BBS9: variants seen among roughly 807,000 people sequenced by gnomAD.
BBS9 encodes the protein protein PTHB1.
A neutral mutation model predicts 117.7 loss-of-function variants in BBS9; 89 were observed. The observed-to-expected ratio is 0.76, with a 90% confidence interval of 0.64 to 0.90. The LOEUF (loss-of-function observed/expected upper bound fraction) is 0.90. Ranked by LOEUF, BBS9 falls within the 40% of genes least tolerant of loss-of-function variation. The pLI is 0.00. For synonymous variants in BBS9, 379 were observed against 370.9 expected (o/e 1.02, Z -0.25); for missense variants, 982 against 1,042.2 (o/e 0.94, Z 0.80).
intron 21 of BBS9, among the ~76,000 whole-genome samples, chr7:33,597,872 C>CAAA (rs61054119): frequency 3.4e-4 from 40 of 119,392 alleles, no homozygotes; most frequent in African/African-American, 1.2e-3. Context: ...GCATGTATAC[C>CAAA]AAAAAAAAAA....
chr7:33,190,618 A>G (rs984165710), intron 5 of BBS9, among the ~76,000 whole-genome samples: 1 of 152,054 alleles, frequency 6.6e-6, no homozygotes, highest in African/African-American at 2.4e-5. Flanking sequence ...GGGATAGGCT[A>G]TTTCCTTCTG....
At chr7:33,392,455 G>A (rs920717277) in intron 19 of BBS9, among the ~76,000 whole-genome samples, 2 of 152,122 alleles carry the variant, frequency 1.3e-5, no homozygotes, top group Middle Eastern at 3.2e-3. Context: ...GCTAGGCTGG[G>A]CTTGTTCACA....
intron 4 of BBS9, among the ~76,000 whole-genome samples, chr7:33,171,584 A>T (rs1796581646): frequency 6.6e-6 from 1 of 152,156 alleles, no homozygotes; most frequent in Admixed American, 6.5e-5. Flanking sequence ...GATAAAAACT[A>T]TTTTTTTAAG....
In BBS9 at chr7:33,525,068, A is replaced by T. The variant is rs547960063; in HGVS notation, c.2299-8886A>T. Among the ~76,000 whole-genome samples the T allele has an allele frequency of 8.6e-3, 1,299 of 151,866 alleles. 60 individuals are homozygous for T. The highest frequency in any genetic ancestry group is 0.079 in the Admixed American group (1,197 of 15,228). Reference sequence around the variant, plus strand: ...ATGTAGTTGAGCGGTTTTGAGTGAGATTCTTAATCCTGAGTTCTAGTTTGA... The same window carrying T: ...ATGTAGTTGAGCGGTTTTGAGTGAGTTTCTTAATCCTGAGTTCTAGTTTGA... On this transcript the variant is annotated intron_variant, in intron 20 of 22. Coordinates refer to ENST00000242067, the MANE Select transcript of BBS9 (RefSeq NM_198428.3).
chr7:33,162,026 T>C (rs1419647932), intron 4 of BBS9, among the ~76,000 whole-genome samples: 1 of 152,184 alleles, frequency 6.6e-6, no homozygotes, highest in Non-Finnish European at 1.5e-5. Context: ...TATTAGCCCT[T>C]TGTCAGATGG....
intron 19 of BBS9, among the ~76,000 whole-genome samples, chr7:33,489,624 T>C (rs1317553700): frequency 6.6e-6 from 1 of 152,158 alleles, no homozygotes; most frequent in Non-Finnish European, 1.5e-5. Flanking sequence ...GTGTAATCTT[T>C]CTTAATATTA....
intron 19 of BBS9, among the ~76,000 whole-genome samples, chr7:33,467,559 A>ACG (rs1840359655): frequency 1.3e-5 from 1 of 76,504 alleles, no homozygotes; most frequent in African/African-American, 6.8e-5. Context: ...TGCTGTGGGA[A>ACG]CCCCCCAACT....
intron 21 of BBS9, among the ~76,000 whole-genome samples, chr7:33,630,442 T>C (rs1177908206): frequency 6.6e-6 from 1 of 152,188 alleles, no homozygotes; most frequent in Non-Finnish European, 1.5e-5. Context: ...CACAGTAAAT[T>C]GCACTTACTG....
intron 21 of BBS9, among the ~76,000 whole-genome samples, chr7:33,620,475 AAAAG>A (rs1865350471): frequency 1.3e-5 from 2 of 152,190 alleles, no homozygotes; most frequent in African/African-American, 4.8e-5. Context: ...AACTACCTGA[AAAAG>A]AAATCAAGAA....
At chr7:33,477,613 G>A (rs544356047) in intron 19 of BBS9, among the ~76,000 whole-genome samples, 5 of 152,250 alleles carry the variant, frequency 3.3e-5, no homozygotes, top group African/African-American at 1.2e-4. Flanking sequence ...GCAAGTACTG[G>A]CTCAGCTAGA....
chr7:33,341,443 A>G (rs920654958), intron 11 of BBS9, among the ~76,000 whole-genome samples: 1 of 151,998 alleles, frequency 6.6e-6, no homozygotes, highest in African/African-American at 2.4e-5. Context: ...GCTTAAGAGT[A>G]TATAGTTGGT....
intron 2 of BBS9, among the ~76,000 whole-genome samples, chr7:33,148,405 T>G (rs1792761576): frequency 6.6e-6 from 1 of 152,106 alleles, no homozygotes. Context: ...GGCTGGTAAC[T>G]GGGAAGCAGT....
chr7:33,155,075 T>C (rs985506204), intron 3 of BBS9, among the ~76,000 whole-genome samples: 11 of 152,242 alleles, frequency 7.2e-5, no homozygotes, highest in African/African-American at 2.7e-4. Flanking sequence ...TGTGGTGATA[T>C]TGGTAGTTTA....
Position 33,383,856 on chromosome 7 carries a change from C to A in BBS9, c.1962+18C>A, listed in dbSNP as rs750279672. The A allele has an allele frequency of 6.2e-7, 1 of 1,604,610 alleles. No individual in the cohort carries two copies. Among genetic ancestry groups the A allele is most frequent in the South Asian group, 1.1e-5 (1 of 90,582 alleles). ...ATTTTGAGGTATGTATGATCATAACCCACATCATCTATAATCCTTAAATAT... is the reference window on the plus strand; with the variant it reads ...ATTTTGAGGTATGTATGATCATAACACACATCATCTATAATCCTTAAATAT... On this transcript the variant is annotated intron_variant, in intron 18 of 22. Coordinates refer to ENST00000242067, the MANE Select transcript of BBS9 (RefSeq NM_198428.3).
intron 21 of BBS9, among the ~76,000 whole-genome samples, chr7:33,631,969 A>G (rs1865910805): frequency 1.3e-5 from 2 of 152,222 alleles, no homozygotes; most frequent in Admixed American, 6.5e-5. Context: ...AGAATGGAAT[A>G]AATTCCCTCT....
chr7:33,273,770 A>G, intron 8 of BBS9, 57 bp from the exon 9 acceptor site: 2 of 1,530,260 alleles, frequency 1.3e-6, no homozygotes, highest in South Asian at 1.1e-5. Context: ...TAAAAGAGAT[A>G]TACTTTTCCA....
intron 9 of BBS9, among the ~76,000 whole-genome samples, chr7:33,283,430 A>AT (rs1173550470): frequency 6.6e-6 from 1 of 150,626 alleles, no homozygotes; most frequent in Non-Finnish European, 1.5e-5. Context: ...TTCTATTTTG[A>AT]TTTTTGTGAT....
At chr7:33,141,786 C>A (rs1562662467) in intron 1 of BBS9, among the ~76,000 whole-genome samples, 1 of 152,142 alleles carries the variant, frequency 6.6e-6, no homozygotes, top group Non-Finnish European at 1.5e-5. Context: ...GTAAACCTAG[C>A]AACCACCTAT....
At chr7:33,413,258 A>C (rs1831445799) in intron 19 of BBS9, among the ~76,000 whole-genome samples, 1 of 152,210 alleles carries the variant, frequency 6.6e-6, no homozygotes, top group Non-Finnish European at 1.5e-5. Flanking sequence ...AGTTTTATTT[A>C]GGTGGAGAAA....
Sources: allele counts gnomAD v4.1 joint callset (sites outside exome capture counted in the v4.1 genomes callset), GRCh38; gene constraint gnomAD v4.1.1; transcripts MANE v1.5; gene names NCBI Gene and HGNC (gene_info 2026-07-23, HGNC 2026-07-21).